The following CNTNAP2 variants were observed in gnomAD, a reference collection of about 807,000 sequenced individuals.
The protein encoded by CNTNAP2 is contactin-associated protein-like 2.
Under a neutral mutation model 155.2 loss-of-function variants are expected in CNTNAP2, and 98 were observed. The ratio of observed to expected loss-of-function variants is 0.63; its 90% CI spans 0.54 to 0.75. The LOEUF (loss-of-function observed/expected upper bound fraction) is 0.75. CNTNAP2 is among the 30% of genes least tolerant of loss of function. CNTNAP2 has a pLI of 0.00. For synonymous variants in CNTNAP2, 651 were observed against 631.2 expected (o/e 1.03, Z -0.47); for missense variants, 1,727 against 1,688.1 (o/e 1.02, Z -0.40).
At chr7:147,145,860 A>G (rs1222743073) in intron 8 of CNTNAP2, among the ~76,000 whole-genome samples, 2 of 152,216 alleles carry the variant, frequency 1.3e-5, no homozygotes, top group Non-Finnish European at 1.5e-5. Flanking sequence ...AAAGTATAAG[A>G]TAAGAGAGTT....
intron 15 of CNTNAP2, among the ~76,000 whole-genome samples, chr7:148,025,104 G>T (rs1802352499): frequency 6.6e-6 from 1 of 152,174 alleles, no homozygotes; most frequent in African/African-American, 2.4e-5. Context: ...GATTATGGGA[G>T]GGGCCTGAAT....
At chr7:147,459,392 G>A (rs1421390259) in intron 10 of CNTNAP2, among the ~76,000 whole-genome samples, 1 of 152,082 alleles carries the variant, frequency 6.6e-6, no homozygotes, top group East Asian at 1.9e-4. Flanking sequence ...CAGAATGGTG[G>A]TTTCCAGAAT....
At chr7:146,477,099 A>T (rs1796888786) in intron 1 of CNTNAP2, among the ~76,000 whole-genome samples, 1 of 152,194 alleles carries the variant, frequency 6.6e-6, no homozygotes, top group Non-Finnish European at 1.5e-5. Context: ...AGAGAAAGAG[A>T]AAGTTTTCAA....
chr7:146,535,940 G>A (rs802001), intron 1 of CNTNAP2, among the ~76,000 whole-genome samples: 68,087 of 151,970 alleles, frequency 0.45, 17,304 homozygotes, highest in African/African-American at 0.7. Context: ...ACAAAGAAAT[G>A]TGATGAAAAT....
At chr7:146,866,552 C>A (rs953517714) in intron 3 of CNTNAP2, among the ~76,000 whole-genome samples, 3 of 152,042 alleles carry the variant, frequency 2.0e-5, no homozygotes, top group African/African-American at 7.2e-5. Context: ...TGCTTTATTT[C>A]TAATTTGTGA....
At chr7:146,291,655 A>C (rs1414904438) in intron 1 of CNTNAP2, among the ~76,000 whole-genome samples, 1 of 152,224 alleles carries the variant, frequency 6.6e-6, no homozygotes, top group Non-Finnish European at 1.5e-5. Flanking sequence ...GCACAGAATG[A>C]GTAACAGCAG....
intron 9 of CNTNAP2, among the ~76,000 whole-genome samples, chr7:147,343,521 G>A (rs983843809): frequency 6.6e-6 from 1 of 152,090 alleles, no homozygotes; most frequent in Admixed American, 6.6e-5. Context: ...TGATACACTA[G>A]AGAAAGCCTT....
intron 15 of CNTNAP2, among the ~76,000 whole-genome samples, chr7:148,029,712 A>C (rs1802438333): frequency 6.6e-6 from 1 of 152,208 alleles, no homozygotes; most frequent in African/African-American, 2.4e-5. Flanking sequence ...AGTCTCAGAG[A>C]ATGTATGACT....
chr7:148,363,831 C>T (rs1019333379), intron 21 of CNTNAP2, among the ~76,000 whole-genome samples: 8 of 128,346 alleles, frequency 6.2e-5, no homozygotes, highest in East Asian at 2.0e-4. Flanking sequence ...GAGGCACGAG[C>T]GGGAACTGGG....
In CNTNAP2 at chr7:148,050,911, G is replaced by C. The variant is rs181301269; in HGVS notation, c.2384-67207G>C. Among the ~76,000 whole-genome samples, 119 of 152,272 alleles carry C rather than the reference G, an allele frequency of 7.8e-4. 1 individual carries two copies. The highest frequency in any genetic ancestry group is 2.6e-3 in the Admixed American group (40 of 15,294). On this transcript the variant is annotated intron_variant, in intron 15 of 23. Transcript: ENST00000361727. ...TGTAGCCTGGGAGCAACGGGCCATA[G>C]CATATAGCCTAGGTATGTAGTAGGC...
intron 8 of CNTNAP2, among the ~76,000 whole-genome samples, chr7:147,249,927 G>T (rs1174390865): frequency 6.6e-6 from 1 of 152,120 alleles, no homozygotes; most frequent in Non-Finnish European, 1.5e-5. Flanking sequence ...TCAGCCTGTG[G>T]ATTAGGTATT....
At chr7:147,304,248 C>A (rs187858381) in intron 9 of CNTNAP2, among the ~76,000 whole-genome samples, 6 of 152,102 alleles carry the variant, frequency 3.9e-5, no homozygotes, top group Non-Finnish European at 5.9e-5. Flanking sequence ...ACAAAGAGAT[C>A]CGTTATTTGG....
intron 1 of CNTNAP2, among the ~76,000 whole-genome samples, chr7:146,218,403 G>C (rs1799150993): frequency 6.6e-6 from 1 of 152,070 alleles, no homozygotes; most frequent in Admixed American, 6.6e-5. Flanking sequence ...CAGCTACTCG[G>C]GAGGCTGAGG....
At chr7:147,525,706 G>A (rs970379832) in intron 11 of CNTNAP2, among the ~76,000 whole-genome samples, 7 of 152,166 alleles carry the variant, frequency 4.6e-5, no homozygotes, top group Non-Finnish European at 1.0e-4. Flanking sequence ...ATTATGTTAA[G>A]AAGCCATACA....
intron 13 of CNTNAP2, among the ~76,000 whole-genome samples, chr7:147,786,468 G>A (rs1584954585): frequency 6.6e-6 from 1 of 152,172 alleles, no homozygotes; most frequent in East Asian, 1.9e-4. Flanking sequence ...ACAAGGGCTT[G>A]AGGAGATCAG....
rs80044428 is a variant in CNTNAP2 at position 146,694,265 on chromosome 7, A to G, written c.98-80006A>G. Among the ~76,000 whole-genome samples, 549 of 152,338 alleles carry G rather than the reference A, an allele frequency of 3.6e-3. 4 individuals are homozygous for G. The highest frequency in any genetic ancestry group is 0.013 in the African/African-American group (527 of 41,578). ...AAATAATTTGGGGTTATGTGTAAACAATACTTTTCATTTTGTGAAAGGTGT... is the reference window on the plus strand; with the variant it reads ...AAATAATTTGGGGTTATGTGTAAACGATACTTTTCATTTTGTGAAAGGTGT... On this transcript the variant is annotated intron_variant, in intron 1 of 23. Transcript: ENST00000361727.
At chr7:148,160,130 C>A (rs1371326909) in intron 17 of CNTNAP2, among the ~76,000 whole-genome samples, 1 of 152,158 alleles carries the variant, frequency 6.6e-6, no homozygotes, top group Non-Finnish European at 1.5e-5. Flanking sequence ...ATATCAGCTA[C>A]TTGGGAAGCT....
chr7:147,077,606 T>C (rs1164328993), intron 4 of CNTNAP2, among the ~76,000 whole-genome samples: 1 of 152,188 alleles, frequency 6.6e-6, no homozygotes, highest in East Asian at 1.9e-4. Flanking sequence ...GTATGCAGGT[T>C]CATTTTGGGT....
intron 13 of CNTNAP2, among the ~76,000 whole-genome samples, chr7:147,729,313 G>A (rs1014382091): frequency 2.0e-5 from 3 of 151,796 alleles, no homozygotes; most frequent in African/African-American, 7.3e-5. Flanking sequence ...CACCTACTAT[G>A]TGTCCGGCCT....
Sources: allele counts gnomAD v4.1 joint callset (sites outside exome capture counted in the v4.1 genomes callset), GRCh38; gene constraint gnomAD v4.1.1; transcripts MANE v1.5; gene names NCBI Gene and HGNC (gene_info 2026-07-23, HGNC 2026-07-21).